Variants in MGAT4C observed in about 807,000 individuals in gnomAD.
The protein encoded by MGAT4C is alpha-1,3-mannosyl-glycoprotein 4-beta-N-acetylglucosaminyltransferase C.
A neutral mutation model predicts 40.1 loss-of-function variants in MGAT4C; 19 were observed. The ratio of observed to expected loss-of-function variants is 0.47; its 90% CI spans 0.33 to 0.70. MGAT4C has a LOEUF of 0.70. MGAT4C is among the 30% of genes least tolerant of loss of function. The pLI is 0.02. For missense variants in MGAT4C, 491 were observed against 563.2 expected, an observed-to-expected ratio of 0.87 and a Z score of 1.30; for synonymous variants, 181 against 187.1, an observed-to-expected ratio of 0.97 and a Z score of 0.27.
rs1239304178 is a variant in MGAT4C at position 85,960,731 on chromosome 12, G to GTT, written c.*18556_*18557dup. On this transcript the variant is annotated 3_prime_UTR_variant, in exon 5 of 5. Coordinates refer to ENST00000611864, the MANE Select transcript of MGAT4C (RefSeq NM_001351288.2). The stretch of plus-strand genomic sequence containing the variant: ...GCATGAACAACTCTAGATAATTTTT[G>GTT]TTTATTTGGATATAACGTGAATGGG... 6.6e-6 allele frequency: 1 copy of GTT among 151,666 alleles called. No homozygotes were observed. The highest frequency in any genetic ancestry group is 1.5e-5 in the Non-Finnish European group (1 of 67,806). The allele number at this position is 151,666 out of a possible 1,614,324, so 9.4% of individuals were successfully genotyped here.
At chr12:86,052,294 C>G (rs1331883480) in intron 1 of MGAT4C, among the ~76,000 whole-genome samples, 5 of 151,276 alleles carry the variant, frequency 3.3e-5, no homozygotes, top group Non-Finnish European at 5.9e-5. Context: ...AGTGACCAAG[C>G]CTTCTACAGA....
chr12:86,020,432 C>T lies in MGAT4C; in HGVS notation c.-7+29242G>A, dbSNP rs139758034. Among the ~76,000 whole-genome samples, 26 of 152,262 alleles carry T rather than the reference C, an allele frequency of 1.7e-4. No homozygotes were observed. The East Asian group carries it at 5.0e-3, about 29-fold the overall frequency. On this transcript the variant is annotated intron_variant, in intron 2 of 4. Coordinates refer to ENST00000611864, the MANE Select transcript of MGAT4C (RefSeq NM_001351288.2). Reference sequence around the variant, plus strand: ...AACAGAGCTCTCAGAAATAATGCTGCATATCTGCAACTATCTGATCTTTGA... The same window carrying T: ...AACAGAGCTCTCAGAAATAATGCTGTATATCTGCAACTATCTGATCTTTGA...
intron 2 of MGAT4C, among the ~76,000 whole-genome samples, chr12:86,646,518 T>C (rs1963547196): frequency 6.6e-6 from 1 of 151,946 alleles, no homozygotes; most frequent in Non-Finnish European, 1.5e-5. Context: ...ACAAGTTCTC[T>C]AGAGAAAAGA....
chr12:86,761,780 T>A (rs1310899588), intron 1 of MGAT4C, among the ~76,000 whole-genome samples: 1 of 152,214 alleles, frequency 6.6e-6, no homozygotes, highest in African/African-American at 2.4e-5. Flanking sequence ...TTCATATTGA[T>A]GGCTATTCTC....
intron 1 of MGAT4C, among the ~76,000 whole-genome samples, chr12:86,130,206 T>G (rs1880970406): frequency 6.6e-6 from 1 of 152,190 alleles, no homozygotes; most frequent in Non-Finnish European, 1.5e-5. Context: ...ACATTTAAAT[T>G]TAGTCTTATA....
At chr12:86,480,162 T>A (rs563399211) in intron 2 of MGAT4C, among the ~76,000 whole-genome samples, 2 of 151,824 alleles carry the variant, frequency 1.3e-5, no homozygotes. Flanking sequence ...TGGAAAAAAA[T>A]ACACTAAAGA....
intron 1 of MGAT4C, among the ~76,000 whole-genome samples, chr12:86,110,914 A>C (rs1429411560): frequency 6.6e-6 from 1 of 151,778 alleles, no homozygotes; most frequent in African/African-American, 2.4e-5. Flanking sequence ...TGCAGACTGC[A>C]GTGAGACTAT....
intron 2 of MGAT4C, among the ~76,000 whole-genome samples, chr12:86,642,390 T>C (rs1056510613): frequency 1.3e-5 from 2 of 151,806 alleles, no homozygotes; most frequent in African/African-American, 4.8e-5. Context: ...TTAGAACAAG[T>C]TATGAACAAG....
intron 2 of MGAT4C, among the ~76,000 whole-genome samples, chr12:86,026,055 C>A (rs781038240): frequency 1.3e-5 from 2 of 151,662 alleles, no homozygotes; most frequent in Non-Finnish European, 2.9e-5. Flanking sequence ...ATTTGTGTCA[C>A]CTGTCCTGAA....
intron 3 of MGAT4C, among the ~76,000 whole-genome samples, chr12:86,339,760 AC>A (rs1443163422): frequency 2.0e-5 from 3 of 152,054 alleles, no homozygotes; most frequent in Non-Finnish European, 4.4e-5. Context: ...ACAAAGACAC[AC>A]AGAGCAAATT....
chr12:86,023,705 C>A (rs900227184), intron 2 of MGAT4C, among the ~76,000 whole-genome samples: 37 of 150,372 alleles, frequency 2.5e-4, no homozygotes, highest in African/African-American at 8.6e-4. Flanking sequence ...TTGTTTGTAG[C>A]CACTTGAAGC....
At chr12:86,110,837 A>C (rs1592967298) in intron 1 of MGAT4C, among the ~76,000 whole-genome samples, 1 of 151,724 alleles carries the variant, frequency 6.6e-6, no homozygotes, top group African/African-American at 2.4e-5. Flanking sequence ...ATATTAATTT[A>C]TATGATGATA....
intron 1 of MGAT4C, among the ~76,000 whole-genome samples, chr12:86,107,732 C>T (rs1337162669): frequency 1.3e-5 from 2 of 151,930 alleles, no homozygotes; most frequent in Admixed American, 6.6e-5. Flanking sequence ...CTGGCAGAAC[C>T]AATTGAAGTT....
In MGAT4C at chr12:85,979,852, A is replaced by G; in HGVS notation, c.874T>C (p.Phe292Leu). 6.2e-7 allele frequency: 1 copy of G among 1,613,792 alleles called. No homozygotes were observed. The highest frequency in any genetic ancestry group is 8.5e-7 in the Non-Finnish European group (1 of 1,179,816). ...EMPCDWLLTHFRGLLAQKNVI... is the reference protein window; with the variant it reads ...EMPCDWLLTHLRGLLAQKNVI... ...TTTTTCTGAGCCAACAGACCACGGA[A>G]ATGAGTCAATAGCCAATCACAAGGC... The change falls in exon 5 of 5, where the codon TTC becomes CTC. Residue 292 changes from phenylalanine to leucine, a missense_variant. Transcript: ENST00000611864.
At chr12:86,351,465 T>G (rs1955160486) in intron 3 of MGAT4C, among the ~76,000 whole-genome samples, 1 of 152,030 alleles carries the variant, frequency 6.6e-6, no homozygotes, top group Admixed American at 6.6e-5. Context: ...ATTTATAAAT[T>G]ATAACAAAAT....
At chr12:86,325,866 G>T (rs1287039359) in intron 4 of MGAT4C, among the ~76,000 whole-genome samples, 2 of 139,498 alleles carry the variant, frequency 1.4e-5, no homozygotes, top group African/African-American at 5.1e-5. Context: ...AACAGACTGA[G>T]ACCCTGTCTC....
chr12:86,602,702 G>C (rs577418878), intron 2 of MGAT4C, among the ~76,000 whole-genome samples: 1 of 152,074 alleles, frequency 6.6e-6, no homozygotes, highest in Non-Finnish European at 1.5e-5. Flanking sequence ...CCTTACAAAT[G>C]TTTGTTCAAG....
chr12:86,005,702 A>G (rs1887807304), intron 2 of MGAT4C, among the ~76,000 whole-genome samples: 1 of 152,192 alleles, frequency 6.6e-6, no homozygotes, highest in Admixed American at 6.5e-5. Context: ...CTTAGCTTCA[A>G]AAGGTTTTTG....
intron 1 of MGAT4C, among the ~76,000 whole-genome samples, chr12:86,055,118 T>C (rs1893262538): frequency 1.3e-5 from 2 of 152,006 alleles, no homozygotes; most frequent in East Asian, 1.9e-4. Flanking sequence ...TAAGTTTTTG[T>C]TGAAAGATTT....
Sources: allele counts gnomAD v4.1 joint callset (sites outside exome capture counted in the v4.1 genomes callset), GRCh38; gene constraint gnomAD v4.1.1; transcripts MANE v1.5; gene names NCBI Gene and HGNC (gene_info 2026-07-23, HGNC 2026-07-21).